KAZN: variants seen among roughly 807,000 people sequenced by gnomAD.
The protein encoded by KAZN is kazrin, periplakin interacting protein, also known as kazrin.
Under a neutral mutation model 87.4 loss-of-function variants are expected in KAZN, and 40 were observed. That is an observed-to-expected ratio of 0.46 (90% CI 0.36 to 0.60). The LOEUF (loss-of-function observed/expected upper bound fraction) is 0.60, where lower values mean the gene tolerates loss of function less well. Ranked by LOEUF, KAZN falls within the 20% of genes least tolerant of loss-of-function variation. KAZN has a pLI of 0.00. For missense variants in KAZN, 898 were observed against 1,073.9 expected, an observed-to-expected ratio of 0.84 and a Z score of 2.29; for synonymous variants, 466 against 458.3, an observed-to-expected ratio of 1.02 and a Z score of -0.22.
chr1:14,544,738 TA>T (rs58351260), intron 2 of KAZN, among the ~76,000 whole-genome samples: 7,305 of 137,564 alleles, frequency 0.053, 231 homozygotes, highest in East Asian at 0.16. Context: ...CTTCTTTATT[TA>T]AAAAAAAAAA....
chr1:14,183,703 C>G (rs1018558216), intron 2 of KAZN, among the ~76,000 whole-genome samples: 1 of 152,140 alleles, frequency 6.6e-6, no homozygotes, highest in South Asian at 2.1e-4. Context: ...CAGTTCTCTC[C>G]CTTTACCCCC....
rs558551872 is a variant in KAZN, at chr1:14,665,880, G to A, written c.226+66657G>A. ...CTGAAGTGCACCACCAGTGTCCAAG[G>A]GTGTCATTTTCCTTTGGCAGTTTGG... is the stretch of plus-strand genomic sequence containing the variant. On this transcript the variant is annotated intron_variant, in intron 1 of 14. Transcript: ENST00000376030. Among the ~76,000 whole-genome samples the A allele has an allele frequency of 4.0e-5, 6 of 148,850 alleles. No homozygotes were observed. In the East Asian group the frequency reaches 1.2e-3, roughly 30 times the overall value.
At chr1:14,824,339 C>G (rs1432039857) in intron 1 of KAZN, among the ~76,000 whole-genome samples, 1 of 152,128 alleles carries the variant, frequency 6.6e-6, no homozygotes, top group East Asian at 1.9e-4. Context: ...TGGGTTAGAA[C>G]TTCCATGAAC....
At chr1:14,361,037 C>G (rs1659463142) in intron 2 of KAZN, among the ~76,000 whole-genome samples, 1 of 152,204 alleles carries the variant, frequency 6.6e-6, no homozygotes, top group Admixed American at 6.5e-5. Flanking sequence ...AGCTGCACAG[C>G]TGCCCCTTGC....
chr1:14,419,835 T>C (rs931673754), intron 2 of KAZN, among the ~76,000 whole-genome samples: 1 of 152,068 alleles, frequency 6.6e-6, no homozygotes, highest in African/African-American at 2.4e-5. Context: ...GTCTCGGAAG[T>C]GAAGCCAGAC....
chr1:14,012,580 T>C (rs12566979), intron 1 of KAZN, among the ~76,000 whole-genome samples: 24,545 of 152,024 alleles, frequency 0.16, 2,064 homozygotes, highest in South Asian at 0.23. Context: ...TTTGGGAGGG[T>C]GACGCGGGTG....
chr1:14,201,959 C>T (rs773978092), intron 2 of KAZN, among the ~76,000 whole-genome samples: 18 of 152,238 alleles, frequency 1.2e-4, no homozygotes, highest in South Asian at 2.1e-4. Context: ...TGAGCCACTG[C>T]GCCTGGCCCC....
intron 1 of KAZN, among the ~76,000 whole-genome samples, chr1:14,679,757 C>T (rs1640458758): frequency 6.6e-6 from 1 of 152,152 alleles, no homozygotes; most frequent in Non-Finnish European, 1.5e-5. Flanking sequence ...AGGTAAGAAA[C>T]ATGCCCAAGG....
intron 1 of KAZN, among the ~76,000 whole-genome samples, chr1:14,014,803 T>G (rs78258184): frequency 6.6e-6 from 1 of 152,300 alleles, no homozygotes; most frequent in East Asian, 1.9e-4. Context: ...AATAAGCCCC[T>G]GCACAACTTA....
At chr1:14,466,347 A>G (rs1668129585) in intron 2 of KAZN, among the ~76,000 whole-genome samples, 1 of 150,474 alleles carries the variant, frequency 6.6e-6, no homozygotes, top group Non-Finnish European at 1.5e-5. Flanking sequence ...AAAAAAGGAG[A>G]CGTGGATGGA....
chr1:14,595,723 A>AAAGGT (rs1311183846), upstream of KAZN, among the ~76,000 whole-genome samples: 3 of 151,988 alleles, frequency 2.0e-5, no homozygotes, highest in African/African-American at 7.2e-5. Flanking sequence ...AAGAAAAAAG[A>AAAGGT]AAGGTAGACC....
intron 2 of KAZN, among the ~76,000 whole-genome samples, chr1:14,435,512 G>A (rs932346465): frequency 4.6e-5 from 7 of 152,168 alleles, no homozygotes; most frequent in African/African-American, 1.4e-4. Flanking sequence ...CCAGCTGCCC[G>A]CAGGGATGTC....
At chr1:14,610,348 G>C (rs973929876) in intron 1 of KAZN, among the ~76,000 whole-genome samples, 1 of 151,994 alleles carries the variant, frequency 6.6e-6, no homozygotes, top group Non-Finnish European at 1.5e-5. Context: ...GCTGGGACAC[G>C]AGTGGCTGGG....
intron 1 of KAZN, among the ~76,000 whole-genome samples, chr1:14,881,295 C>T (rs545183921): frequency 6.6e-6 from 1 of 152,308 alleles, no homozygotes; most frequent in African/African-American, 2.4e-5. Flanking sequence ...CCCAGCAAAC[C>T]ACTTCCCAAC....
At chr1:14,840,577 C>T (rs758600789) in intron 1 of KAZN, among the ~76,000 whole-genome samples, 4 of 152,226 alleles carry the variant, frequency 2.6e-5, no homozygotes, top group African/African-American at 7.2e-5. Context: ...GCGCTTTGGG[C>T]GTGATCTTCT....
chr1:14,020,459 C>T (rs1256390648), intron 1 of KAZN, among the ~76,000 whole-genome samples: 2 of 152,168 alleles, frequency 1.3e-5, no homozygotes, highest in East Asian at 1.9e-4. Context: ...TGTTTTCACC[C>T]TTGTACAGGA....
chr1:14,917,886 C>CTT (rs1657990757), intron 1 of KAZN, among the ~76,000 whole-genome samples: 3 of 151,846 alleles, frequency 2.0e-5, no homozygotes, highest in Middle Eastern at 3.4e-3. Context: ...TTCTTTCTTT[C>CTT]TTTCTTTTTT....
intron 1 of KAZN, among the ~76,000 whole-genome samples, chr1:14,867,068 C>A (rs1651540199): frequency 6.7e-6 from 1 of 148,746 alleles, no homozygotes; most frequent in Non-Finnish European, 1.5e-5. Context: ...TTGCAATGCC[C>A]TTCTCTTGAA....
At chr1:14,763,906 C>A (rs1644811777) in intron 1 of KAZN, among the ~76,000 whole-genome samples, 1 of 152,134 alleles carries the variant, frequency 6.6e-6, no homozygotes, top group Non-Finnish European at 1.5e-5. Context: ...CGTGCCACCA[C>A]ACCCAGCTAA....
Sources: allele counts gnomAD v4.1 joint callset (sites outside exome capture counted in the v4.1 genomes callset), GRCh38; gene constraint gnomAD v4.1.1; transcripts MANE v1.5; gene names NCBI Gene and HGNC (gene_info 2026-07-23, HGNC 2026-07-21).